CPS1: variants seen among roughly 807,000 people sequenced by gnomAD.
CPS1 encodes carbamoyl-phosphate synthase 1.
CPS1 carries 109 observed loss-of-function variants against 174.6 expected under a neutral mutation model. That is an observed-to-expected ratio of 0.62 (90% CI 0.53 to 0.73). CPS1 has a LOEUF of 0.73. Ranked by LOEUF, CPS1 falls within the 30% of genes least tolerant of loss-of-function variation. The pLI, the probability that CPS1 is intolerant of heterozygous loss-of-function variation, is 0.00. For missense variants in CPS1, 1,689 were observed against 1,821.9 expected, an observed-to-expected ratio of 0.93 and a Z score of 1.33; for synonymous variants, 637 against 632.0, an observed-to-expected ratio of 1.01 and a Z score of -0.12.
intron 29 of CPS1, 125 bp from the exon 30 acceptor site, chr2:210,656,400 T>C (rs1700706092): frequency 1.1e-5 from 8 of 722,830 alleles, no homozygotes; most frequent in South Asian, 3.0e-5. Flanking sequence ...ATCAGGAATG[T>C]AGCAAGGGAA....
At chr2:210,528,184 C>T (rs1455459301) in intron 1 of CPS1, among the ~76,000 whole-genome samples, 1 of 151,760 alleles carries the variant, frequency 6.6e-6, no homozygotes, top group Non-Finnish European at 1.5e-5. Context: ...AGGTGATGAT[C>T]TTGAGGCACA....
At chr2:210,519,820 A>G in intron 1 of CPS1, 1 of 982,878 alleles carries the variant, frequency 1.0e-6, no homozygotes, top group Non-Finnish European at 1.2e-6. Flanking sequence ...GCAATGATTT[A>G]TGCAAAAGTT....
chr2:210,674,557 C>T (rs1701454658), intron 34 of CPS1: 2 of 282,640 alleles, frequency 7.1e-6, no homozygotes, highest in South Asian at 5.2e-5. Flanking sequence ...TGGCTCCTAA[C>T]CCGCATATCT....
At chr2:210,608,234 G>T in intron 18 of CPS1, 127 bp from the exon 19 acceptor site, 1 of 817,274 alleles carries the variant, frequency 1.2e-6, no homozygotes. Flanking sequence ...ATGCAGAACA[G>T]AGAATCAAGT....
rs3060429 is a variant in CPS1, at chr2:210,611,971, C to CTTT, written c.2392-135_2392-133dup. 0.036 allele frequency: 21,548 copies of CTTT among 592,390 alleles called. 183 individuals are homozygous for CTTT. Among genetic ancestry groups the CTTT allele is most frequent in the Middle Eastern group, 0.074 (140 of 1,886 alleles). The allele number at this position is 592,390 out of a possible 1,614,324, so 36.7% of individuals were successfully genotyped here. On this transcript the variant is annotated intron_variant, in intron 19 of 37. Transcript: ENST00000233072. The stretch of plus-strand genomic sequence containing the variant: ...GAGAGAGGAAGAAAAAAAGGAACAC[C>CTTT]TTTTTTTTTTTTTAATTTGAGAGGC...
intron 21 of CPS1, among the ~76,000 whole-genome samples, chr2:210,630,908 G>A (rs550508869): frequency 5.9e-5 from 9 of 152,130 alleles, no homozygotes; most frequent in Admixed American, 4.6e-4. Context: ...AAACTCAAGA[G>A]AGAGGCTAGT....
chr2:210,623,758 A>G (rs754998828), intron 21 of CPS1, among the ~76,000 whole-genome samples: 4 of 152,124 alleles, frequency 2.6e-5, no homozygotes, highest in Non-Finnish European at 4.4e-5. Flanking sequence ...GTTAGCTGGA[A>G]CACTCCCTTT....
At chr2:210,629,934 G>T (rs949582045) in intron 21 of CPS1, among the ~76,000 whole-genome samples, 2 of 151,296 alleles carry the variant, frequency 1.3e-5, no homozygotes, top group African/African-American at 4.8e-5. Flanking sequence ...TTAGCCGGGC[G>T]TGGTGGCAGG....
chr2:210,521,742 G>A (rs1226564565), intron 1 of CPS1, among the ~76,000 whole-genome samples: 6 of 151,726 alleles, frequency 4.0e-5, no homozygotes, highest in Admixed American at 4.0e-4. Context: ...TAATTTCCTT[G>A]TCAATTCTAA....
intron 1 of CPS1, among the ~76,000 whole-genome samples, chr2:210,545,216 A>T (rs1336592067): frequency 6.6e-6 from 1 of 152,034 alleles, no homozygotes; most frequent in Admixed American, 6.6e-5. Context: ...TATAAGCTCT[A>T]ACGGTCAGAA....
chr2:210,541,649 C>T (rs567485387), intron 1 of CPS1, among the ~76,000 whole-genome samples: 1 of 151,988 alleles, frequency 6.6e-6, no homozygotes, highest in Non-Finnish European at 1.5e-5. Context: ...AAAAACAAAG[C>T]AAAAAGAAAA....
At position 210,590,045 on chromosome 2, in the gene CPS1, A is replaced by G. The variant is rs545397364; in HGVS notation, c.712-61A>G. 32 of 1,606,124 alleles carry G rather than the reference A, an allele frequency of 2.0e-5. No homozygotes were observed. In the East Asian group the frequency reaches 4.9e-4, roughly 25 times the overall value. On this transcript the variant is annotated intron_variant, in intron 7 of 37. Transcript: ENST00000233072. ...TGGTTAGTCAAGAGAAAGTCTAGCA[A>G]AATTATACTTTGGCAAAGAAACATG...
chr2:210,605,041 T>C, intron 16 of CPS1, 61 bp from the exon 17 acceptor site: 1 of 1,598,182 alleles, frequency 6.3e-7, no homozygotes, highest in Non-Finnish European at 8.6e-7. Context: ...TTTTGCCAAA[T>C]ATCCTTGTTG....
chr2:210,595,658 T>C (rs1369268151), intron 13 of CPS1, 76 bp downstream of exon 13: 11 of 991,612 alleles, frequency 1.1e-5, no homozygotes, highest in Non-Finnish European at 1.4e-5. Context: ...AATTTAGATT[T>C]ATGACACTAC....
intron 1 of CPS1, among the ~76,000 whole-genome samples, chr2:210,539,800 C>G (rs552919889): frequency 1.3e-5 from 2 of 152,056 alleles, no homozygotes; most frequent in Non-Finnish European, 2.9e-5. Context: ...GGTTTTCTAC[C>G]TTGTCCCCAG....
chr2:210,599,857 G>T (rs183738112), intron 14 of CPS1, among the ~76,000 whole-genome samples: 40 of 151,990 alleles, frequency 2.6e-4, no homozygotes, highest in Non-Finnish European at 4.9e-4. Flanking sequence ...TGTTGCTATT[G>T]AGGTCTTGAG....
upstream of CPS1, chr2:210,556,452 T>C (rs769879542): frequency 1.4e-4 from 106 of 747,366 alleles, no homozygotes; most frequent in Non-Finnish European, 2.3e-4. Context: ...ACCCCAGCAT[T>C]ATTTTAGCAG....
chr2:210,668,761 A>C (rs1701191766), intron 34 of CPS1, among the ~76,000 whole-genome samples: 1 of 151,930 alleles, frequency 6.6e-6, no homozygotes, highest in African/African-American at 2.4e-5. Context: ...CCACCTGTAA[A>C]TTTACATCCT....
intron 21 of CPS1, among the ~76,000 whole-genome samples, chr2:210,633,289 A>G (rs1348535387): frequency 1.3e-5 from 2 of 151,944 alleles, no homozygotes; most frequent in Non-Finnish European, 2.9e-5. Flanking sequence ...ACCAGAGCTG[A>G]GTACAAAATT....
Sources: gnomAD v4.1 joint callset for allele counts (sites outside exome capture counted in the v4.1 genomes callset) on GRCh38, gnomAD v4.1.1 for gene constraint, MANE v1.5 for transcripts, NCBI Gene and HGNC (gene_info 2026-07-23, HGNC 2026-07-21) for gene names.